The following AFAP1 variants were observed in gnomAD, a reference collection of about 807,000 sequenced individuals.
The protein encoded by AFAP1 is actin filament-associated protein 1.
Under a neutral mutation model 93.9 loss-of-function variants are expected in AFAP1, and 75 were observed. The observed-to-expected ratio is 0.80, with a 90% CI of 0.66 to 0.97. AFAP1 has a LOEUF of 0.97. Ranked by LOEUF, AFAP1 falls within the 50% of genes least tolerant of loss-of-function variation. The pLI is 0.00. For synonymous variants in AFAP1, 517 were observed against 430.7 expected, an observed-to-expected ratio of 1.20 and a Z score of -2.48; for missense variants, 1,201 against 1,050.8, an observed-to-expected ratio of 1.14 and a Z score of -1.98.
chr4:7,932,054 G>A (rs1721097557), intron 1 of AFAP1, among the ~76,000 whole-genome samples: 1 of 151,762 alleles, frequency 6.6e-6, no homozygotes, highest in South Asian at 2.1e-4. Context: ...GTAGAGATGG[G>A]GTTTCACCAT....
chr4:7,794,544 C>T (rs1307869760), intron 10 of AFAP1, among the ~76,000 whole-genome samples: 1 of 151,790 alleles, frequency 6.6e-6, no homozygotes, highest in East Asian at 1.9e-4. Context: ...TTTTTTGAGA[C>T]AGGGTCTCGC....
intron 16 of AFAP1, among the ~76,000 whole-genome samples, chr4:7,769,539 C>A (rs1342250766): frequency 1.3e-5 from 2 of 152,122 alleles, no homozygotes; most frequent in South Asian, 2.1e-4. Context: ...CTTCCATATG[C>A]CAAAGGAGGA....
At chr4:7,866,646 C>G (rs555681218) in intron 3 of AFAP1, among the ~76,000 whole-genome samples, 3 of 152,268 alleles carry the variant, frequency 2.0e-5, no homozygotes, top group Non-Finnish European at 4.4e-5. Context: ...GAAGAGGAAG[C>G]CAGAAAATGG....
chr4:7,924,169 G>C (rs1720590347), intron 1 of AFAP1, among the ~76,000 whole-genome samples: 1 of 152,100 alleles, frequency 6.6e-6, no homozygotes, highest in South Asian at 2.1e-4. Context: ...TCTATTCCTG[G>C]TTTTGCCACC....
intron 9 of AFAP1, among the ~76,000 whole-genome samples, chr4:7,806,606 G>T (rs935166903): frequency 6.6e-6 from 1 of 152,116 alleles, no homozygotes; most frequent in African/African-American, 2.4e-5. Context: ...CCTTTGTCCA[G>T]CTCCTTTTTT....
intron 1 of AFAP1, among the ~76,000 whole-genome samples, chr4:7,919,890 A>G (rs1720342692): frequency 6.6e-6 from 1 of 151,678 alleles, no homozygotes. Flanking sequence ...GTAAGAACAC[A>G]TGGTGTTTGG....
At chr4:7,889,983 G>A (rs1577337514) in intron 1 of AFAP1, among the ~76,000 whole-genome samples, 2 of 98,234 alleles carry the variant, frequency 2.0e-5, no homozygotes, top group African/African-American at 8.0e-5. Context: ...TCTCAATCAA[G>A]ATCCCAGGAG....
chr4:7,874,795 AAAAC>A (rs1717390684), intron 1 of AFAP1, among the ~76,000 whole-genome samples: 1 of 151,958 alleles, frequency 6.6e-6, no homozygotes, highest in African/African-American at 2.4e-5. Flanking sequence ...GCAAAAGTCT[AAAAC>A]AATGCTACTC....
chr4:7,869,049 AGAAAGAGAAAGG>A (rs965182430), intron 2 of AFAP1, among the ~76,000 whole-genome samples: 4 of 151,608 alleles, frequency 2.6e-5, no homozygotes, highest in African/African-American at 9.7e-5. Context: ...AAAAGAAAAG[AGAAAGAGAAAGG>A]GAAAGAGAAA....
intron 14 of AFAP1, chr4:7,776,577 T>C (rs1457869900): frequency 1.3e-5 from 2 of 152,190 alleles, no homozygotes; most frequent in Non-Finnish European, 2.9e-5. Context: ...CTGTCCTAAA[T>C]GCTGGATTTG....
chr4:7,791,967 CAG>C (rs1457639478), intron 11 of AFAP1, among the ~76,000 whole-genome samples: 1 of 152,102 alleles, frequency 6.6e-6, no homozygotes, highest in Non-Finnish European at 1.5e-5. Flanking sequence ...CAGAAAGTGG[CAG>C]AGTGTTCACA....
intron 1 of AFAP1, among the ~76,000 whole-genome samples, chr4:7,894,822 G>A (rs1718674699): frequency 6.6e-6 from 1 of 152,164 alleles, no homozygotes; most frequent in Admixed American, 6.5e-5. Context: ...AAAGCCTCGA[G>A]GGCTCCTGAC....
intron 1 of AFAP1, among the ~76,000 whole-genome samples, chr4:7,910,405 C>A (rs1378293831): frequency 2.0e-5 from 3 of 152,088 alleles, no homozygotes; most frequent in African/African-American, 7.2e-5. Flanking sequence ...GTTAGGCAAC[C>A]TCCAGAATTC....
chr4:7,791,672 T>G (rs1478418435), intron 11 of AFAP1, among the ~76,000 whole-genome samples: 3 of 147,392 alleles, frequency 2.0e-5, no homozygotes, highest in African/African-American at 7.6e-5. Context: ...GGCAACATAA[T>G]AAGACCCCGT....
At chr4:7,789,938 T>C (rs1435684608) in intron 11 of AFAP1, among the ~76,000 whole-genome samples, 3 of 152,266 alleles carry the variant, frequency 2.0e-5, no homozygotes, top group Non-Finnish European at 2.9e-5. Context: ...CAGGAAAATA[T>C]GTTTCGATTG....
At chr4:7,847,798 T>A (rs28569344) in intron 4 of AFAP1, among the ~76,000 whole-genome samples, 2,324 of 142,716 alleles carry the variant, frequency 0.016, 195 homozygotes, top group African/African-American at 0.062. Context: ...GTACTCGGGG[T>A]GGGGCATTGA....
chr4:7,838,301 TACAA>T (rs995441750), intron 6 of AFAP1, among the ~76,000 whole-genome samples: 13 of 152,326 alleles, frequency 8.5e-5, no homozygotes, highest in Non-Finnish European at 1.5e-4. Flanking sequence ...CGAAGCAGCC[TACAA>T]ACAGAGACAA....
At chr4:7,836,166 T>C (rs1712272966) in intron 6 of AFAP1, among the ~76,000 whole-genome samples, 1 of 152,134 alleles carries the variant, frequency 6.6e-6, no homozygotes, top group Non-Finnish European at 1.5e-5. Context: ...CAGAATAAAA[T>C]ACACATGTAA....
At chr4:7,880,402 C>A (rs1369577584) in intron 1 of AFAP1, among the ~76,000 whole-genome samples, 1 of 151,626 alleles carries the variant, frequency 6.6e-6, no homozygotes, top group Non-Finnish European at 1.5e-5. Context: ...GCCTCAGCCT[C>A]CTGAGTAGCT....
Sources: gnomAD v4.1 joint callset for allele counts (sites outside exome capture counted in the v4.1 genomes callset) on GRCh38, gnomAD v4.1.1 for gene constraint, MANE v1.5 for transcripts, NCBI Gene and HGNC (gene_info 2026-07-23, HGNC 2026-07-21) for gene names.